The following ZDHHC20 variants were observed in gnomAD, a reference collection of about 807,000 sequenced individuals.
ZDHHC20 encodes the protein palmitoyltransferase ZDHHC20.
In ZDHHC20, 43 loss-of-function variants were observed where a neutral mutation model predicts 57.8. The ratio of observed to expected loss-of-function variants is 0.74; its 90% CI spans 0.58 to 0.96. The LOEUF (loss-of-function observed/expected upper bound fraction) is 0.96. Among genes scored for constraint, ZDHHC20 ranks in the 40% least tolerant of loss-of-function variants. The pLI, the probability that ZDHHC20 is intolerant of heterozygous loss-of-function variation, is 0.00. For synonymous variants in ZDHHC20, 157 were observed against 153.0 expected, an observed-to-expected ratio of 1.03 and a Z score of -0.19; for missense variants, 391 against 441.1, an observed-to-expected ratio of 0.89 and a Z score of 1.02.
chr13:21,410,379 C>T (rs536689976), intron 4 of ZDHHC20, among the ~76,000 whole-genome samples: 2 of 152,172 alleles, frequency 1.3e-5, no homozygotes, highest in African/African-American at 2.4e-5. Context: ...TAGCAGAGCT[C>T]GAGTACTGTG....
At chr13:21,383,390 T>G (rs1180222009) in intron 9 of ZDHHC20, among the ~76,000 whole-genome samples, 2 of 152,214 alleles carry the variant, frequency 1.3e-5, no homozygotes, top group East Asian at 3.9e-4. Context: ...AAACGTGAGT[T>G]GCTTCTCCTT....
intron 7 of ZDHHC20, among the ~76,000 whole-genome samples, chr13:21,398,463 CAAA>C (rs533339364): frequency 3.1e-5 from 3 of 98,226 alleles, no homozygotes; most frequent in Non-Finnish European, 4.5e-5. Flanking sequence ...GACTCCGTCT[CAAA>C]AAAAAAAAAA....
In ZDHHC20 at chr13:21,402,839, A is replaced by G; in HGVS notation, c.398T>C (p.Leu133Pro). The G allele has an allele frequency of 6.3e-7, 1 of 1,597,674 alleles. No homozygotes were observed. Among genetic ancestry groups the G allele is most frequent in the Non-Finnish European group, 8.5e-7 (1 of 1,171,672 alleles). ...KTIRYCEKCQLIKPDRAHHCS... is the reference protein window; with the variant it reads ...KTIRYCEKCQPIKPDRAHHCS... ...GTGATGCGCCCGATCAGGTTTAATCAGCTGACATTTTTCACAATATCTGAT... is the reference window on the plus strand; with the variant it reads ...GTGATGCGCCCGATCAGGTTTAATCGGCTGACATTTTTCACAATATCTGAT... Residue 133 changes from leucine to proline, a missense_variant, in exon 5 of 13, where the codon CTG becomes CCG. Transcript: ENST00000400590.
chr13:21,447,638 A>C (rs1279393441), intron 1 of ZDHHC20, among the ~76,000 whole-genome samples: 45 of 135,914 alleles, frequency 3.3e-4, no homozygotes, highest in Non-Finnish European at 5.7e-4. Flanking sequence ...ACTACAACCT[A>C]CACCTCCCAG....
In ZDHHC20 at chr13:21,381,155, C is replaced by T. The variant is rs1018623454; in HGVS notation, c.1060+279G>A. Among the ~76,000 whole-genome samples the T allele has an allele frequency of 7.2e-5, 11 of 151,966 alleles. No individual in the cohort carries two copies. The East Asian group carries it at 9.8e-4, about 14-fold the overall frequency. ...CTGAGTAGCTGGGAATACAGGCGCC[C>T]GCCACCACGCCCGGCTAATTTTTTA... On this transcript the variant is annotated intron_variant, in intron 11 of 12. Transcript: ENST00000400590.
chr13:21,429,436 C>T (rs1295499546), intron 1 of ZDHHC20, among the ~76,000 whole-genome samples: 1 of 152,204 alleles, frequency 6.6e-6, no homozygotes, highest in East Asian at 1.9e-4. Context: ...ATATGTACTA[C>T]TTCCTTCTAA....
chr13:21,415,650 T>A (rs567804668), intron 3 of ZDHHC20, among the ~76,000 whole-genome samples: 1 of 152,242 alleles, frequency 6.6e-6, no homozygotes, highest in Non-Finnish European at 1.5e-5. Flanking sequence ...CAAGATGGCA[T>A]GTTCTCTTTT....
chr13:21,395,252 G>A (rs1365345956), intron 7 of ZDHHC20, among the ~76,000 whole-genome samples: 1 of 151,684 alleles, frequency 6.6e-6, no homozygotes, highest in African/African-American at 2.4e-5. Flanking sequence ...ATTTTTAGTA[G>A]ATACGGGGTT....
intron 8 of ZDHHC20, among the ~76,000 whole-genome samples, chr13:21,389,581 T>G (rs908331459): frequency 1.3e-5 from 2 of 152,176 alleles, no homozygotes; most frequent in Non-Finnish European, 1.5e-5. Flanking sequence ...CAAAAAAAAG[T>G]TTGAAAAAGA....
intron 7 of ZDHHC20, among the ~76,000 whole-genome samples, chr13:21,393,702 A>AG (rs1876229864): frequency 1.8e-5 from 1 of 55,562 alleles, no homozygotes; most frequent in African/African-American, 4.1e-5. Context: ...AGTCTCACAA[A>AG]AAAAAAAAAA....
At chr13:21,457,787 T>C (rs1885045261) in intron 1 of ZDHHC20, among the ~76,000 whole-genome samples, 1 of 152,200 alleles carries the variant, frequency 6.6e-6, no homozygotes, top group Admixed American at 6.5e-5. Context: ...ATAATTGAAG[T>C]CTTGATTCTG....
chr13:21,445,306 G>A (rs1883581849), intron 1 of ZDHHC20, among the ~76,000 whole-genome samples: 1 of 152,092 alleles, frequency 6.6e-6, no homozygotes, highest in Non-Finnish European at 1.5e-5. Flanking sequence ...TTGGTTTTAT[G>A]TATCAATTGT....
In ZDHHC20 at chr13:21,459,198, C is replaced by T. The variant is rs1394097339; in HGVS notation, c.-27G>A. 3.2e-6 allele frequency: 5 copies of T among 1,576,168 alleles called. No individual in the cohort carries two copies. Among genetic ancestry groups the T allele is most frequent in the Non-Finnish European group, 3.4e-6 (4 of 1,161,296 alleles). On this transcript the variant is annotated 5_prime_UTR_variant, in exon 1 of 13. Transcript: ENST00000400590. ...TTCCGCTGGCGGCTGCCGAGCCCCGCGTCCCACCGTTCTGGGGAGCGCGGG... is the reference window on the plus strand; with the variant it reads ...TTCCGCTGGCGGCTGCCGAGCCCCGTGTCCCACCGTTCTGGGGAGCGCGGG...
intron 12 of ZDHHC20, 132 bp from the exon 13 acceptor site, chr13:21,376,787 C>T (rs140472201): frequency 4.1e-6 from 2 of 482,918 alleles, no homozygotes; most frequent in Admixed American, 4.4e-5. Flanking sequence ...CTTAACACTA[C>T]TAATATTATA....
chr13:21,394,759 T>C (rs1876467645), intron 7 of ZDHHC20, among the ~76,000 whole-genome samples: 1 of 152,206 alleles, frequency 6.6e-6, no homozygotes. Context: ...ATGGTTAGTA[T>C]GTTGTGAACT....
chr13:21,383,221 T>C (rs1463264100), intron 9 of ZDHHC20, among the ~76,000 whole-genome samples: 1 of 152,178 alleles, frequency 6.6e-6, no homozygotes, highest in Non-Finnish European at 1.5e-5. Context: ...GTTCCCATAA[T>C]TCCCACTGTC....
intron 1 of ZDHHC20, among the ~76,000 whole-genome samples, chr13:21,449,571 G>C (rs765573974): frequency 1.3e-5 from 2 of 152,120 alleles, no homozygotes; most frequent in African/African-American, 4.8e-5. Flanking sequence ...GCAAGTACAA[G>C]GCCAGCCCAG....
intron 2 of ZDHHC20, among the ~76,000 whole-genome samples, chr13:21,425,451 T>C (rs1357154439): frequency 6.6e-6 from 1 of 152,102 alleles, no homozygotes; most frequent in Non-Finnish European, 1.5e-5. Context: ...TTTACATAAA[T>C]AACACAAAAT....
chr13:21,450,241 C>T (rs1051514404), intron 1 of ZDHHC20, among the ~76,000 whole-genome samples: 2 of 152,010 alleles, frequency 1.3e-5, no homozygotes, highest in South Asian at 2.1e-4. Context: ...GATTAGAGTC[C>T]GGAATTCAGC....
Sources: gnomAD v4.1 joint callset for allele counts (sites outside exome capture counted in the v4.1 genomes callset) on GRCh38, gnomAD v4.1.1 for gene constraint, MANE v1.5 for transcripts, NCBI Gene and HGNC (gene_info 2026-07-23, HGNC 2026-07-21) for gene names.